ALDH8A1: variants seen among roughly 807,000 people sequenced by gnomAD.
ALDH8A1 encodes the protein aldehyde dehydrogenase 8 family member A1.
Under a neutral mutation model 43.3 loss-of-function variants are expected in ALDH8A1, and 39 were observed. The ratio of observed to expected loss-of-function variants is 0.90; its 90% CI spans 0.70 to 1.18. ALDH8A1 has a LOEUF of 1.18. ALDH8A1 is among the 50% of genes most tolerant of loss of function. The probability of loss-of-function intolerance (pLI) is 0.00; values close to 1 mark genes in which losing one functional copy is unlikely to be tolerated. For missense variants in ALDH8A1, 605 were observed against 622.6 expected (o/e 0.97, Z 0.30); for synonymous variants, 233 against 243.5 (o/e 0.96, Z 0.40).
At chr6:134,948,322 T>C (rs925290203) in intron 1 of ALDH8A1, among the ~76,000 whole-genome samples, 9 of 152,022 alleles carry the variant, frequency 5.9e-5, no homozygotes, top group African/African-American at 2.2e-4. Context: ...TCTAGTAGAG[T>C]GACAATAGTT....
At chr6:134,921,985 C>G (rs1419729364) in intron 6 of ALDH8A1, among the ~76,000 whole-genome samples, 1 of 152,238 alleles carries the variant, frequency 6.6e-6, no homozygotes, top group Non-Finnish European at 1.5e-5. Context: ...TAGAACTGAG[C>G]TGAAAGCCTC....
intron 6 of ALDH8A1, among the ~76,000 whole-genome samples, chr6:134,928,806 T>C (rs868814159): frequency 6.6e-6 from 1 of 152,342 alleles, no homozygotes. Context: ...CCCTCTCTAC[T>C]GGTGGTATCT....
In ALDH8A1 at chr6:134,917,864, G is replaced by A. The variant is rs530836295; in HGVS notation, c.*551C>T. 6.5e-6 allele frequency: 1 copy of A among 154,716 alleles called. No individual in the cohort carries two copies. Among genetic ancestry groups the A allele is most frequent in the East Asian group, 1.9e-4 (1 of 5,236 alleles). The allele number at this position is 154,716 out of a possible 1,614,324, so 9.6% of individuals were successfully genotyped here. ...TGCAGCCTCAACCGCCTGGGCTCAA[G>A]CGATCCTCCCACCTCAGCCTCCCAA... On this transcript the variant is annotated 3_prime_UTR_variant, in exon 7 of 7. Coordinates refer to ENST00000265605, the MANE Select transcript of ALDH8A1 (RefSeq NM_022568.4).
At chr6:134,944,124 G>A in intron 1 of ALDH8A1, 158 bp from the exon 2 acceptor site, 5 of 1,055,834 alleles carry the variant, frequency 4.7e-6, no homozygotes, top group Non-Finnish European at 6.5e-6. Flanking sequence ...CTGGAGGGCA[G>A]TGGCGCAATT....
intron 6 of ALDH8A1, among the ~76,000 whole-genome samples, chr6:134,926,199 C>G (rs1470335355): frequency 2.1e-5 from 3 of 144,196 alleles, no homozygotes; most frequent in Non-Finnish European, 3.0e-5. Context: ...ACTCAGGACC[C>G]TTCTTTTTTT....
At chr6:134,934,001 G>A (rs898997547) in intron 4 of ALDH8A1, among the ~76,000 whole-genome samples, 2 of 152,118 alleles carry the variant, frequency 1.3e-5, no homozygotes, top group African/African-American at 2.4e-5. Context: ...GAGCCACCGC[G>A]CCCAGCCTAT....
chr6:134,944,258 G>A (rs1167486430), intron 1 of ALDH8A1: 1 of 281,364 alleles, frequency 3.6e-6, no homozygotes, highest in African/African-American at 2.2e-5. Flanking sequence ...TAGTAGAAAG[G>A]GGGTTTCACC....
chr6:134,921,926 G>A (rs577850203), intron 6 of ALDH8A1, among the ~76,000 whole-genome samples: 4 of 152,346 alleles, frequency 2.6e-5, no homozygotes, highest in South Asian at 2.1e-4. Context: ...TTCTCTAGGC[G>A]TTTCTATTAG....
At chr6:134,934,544 C>T (rs1773695976) in intron 4 of ALDH8A1, among the ~76,000 whole-genome samples, 2 of 152,178 alleles carry the variant, frequency 1.3e-5, no homozygotes, top group South Asian at 4.1e-4. Flanking sequence ...CTCTGCTTCA[C>T]CTTTTGACAT....
intron 6 of ALDH8A1, among the ~76,000 whole-genome samples, chr6:134,919,382 G>A (rs780917115): frequency 1.3e-5 from 2 of 152,094 alleles, no homozygotes; most frequent in African/African-American, 2.4e-5. Context: ...TTAAAGGCCA[G>A]AATGCCCTTT....
chr6:134,929,720 T>G (rs1583026439), intron 5 of ALDH8A1, among the ~76,000 whole-genome samples: 1 of 151,148 alleles, frequency 6.6e-6, no homozygotes, highest in Non-Finnish European at 1.5e-5. Context: ...GGACAGGAGG[T>G]GTGTGGTAAG....
In ALDH8A1 at chr6:134,918,292, A is replaced by C; in HGVS notation, c.*123T>G. The C allele has an allele frequency of 1.7e-5, 15 of 877,016 alleles. No homozygotes were observed. Among genetic ancestry groups the C allele is most frequent in the Non-Finnish European group, 2.6e-5 (15 of 570,492 alleles). The allele number at this position is 877,016 out of a possible 1,614,324, so 54.3% of individuals were successfully genotyped here. On this transcript the variant is annotated 3_prime_UTR_variant, in exon 7 of 7. Transcript: ENST00000265605. ...AGTTACTAAGAACTGAGGATAAGCT[A>C]GAGATAACCTTCTGCCAAGTCAAGG...
intron 4 of ALDH8A1, 73 bp from the exon 5 acceptor site, chr6:134,933,105 T>C (rs1777015646): frequency 6.9e-7 from 1 of 1,450,496 alleles, no homozygotes; most frequent in Non-Finnish European, 9.1e-7. Flanking sequence ...GAAATTCTCC[T>C]TTAAAGTCCA....
At chr6:134,938,322 C>A (rs1410324373) in intron 4 of ALDH8A1, among the ~76,000 whole-genome samples, 1 of 152,248 alleles carries the variant, frequency 6.6e-6, no homozygotes, top group South Asian at 2.1e-4. Context: ...ACAGTGCCAG[C>A]CTGTGCCTGT....
chr6:134,938,327 G>T (rs1053653373), intron 4 of ALDH8A1, among the ~76,000 whole-genome samples: 8 of 152,238 alleles, frequency 5.3e-5, no homozygotes, highest in African/African-American at 1.9e-4. Context: ...GCCAGCCTGT[G>T]CCTGTGCGGA....
intron 5 of ALDH8A1, among the ~76,000 whole-genome samples, chr6:134,931,274 T>G (rs1583027419): frequency 6.6e-6 from 1 of 152,208 alleles, no homozygotes; most frequent in Non-Finnish European, 1.5e-5. Context: ...TTTGTTTGTT[T>G]GTTTTTGAGA....
rs79635504 is a variant in ALDH8A1, at chr6:134,933,247, G to C, written c.593-215C>G. On this transcript the variant is annotated intron_variant, in intron 4 of 6. Transcript: ENST00000265605. ...TCACCTCTGCCCACAGTAAACACCA[G>C]GTGGGATTCCACTGGATGCTTTGCC... Among the ~76,000 whole-genome samples, 1,408 of 152,318 alleles carry C rather than the reference G, an allele frequency of 9.2e-3. 18 individuals carry two copies. The highest frequency in any genetic ancestry group is 0.032 in the African/African-American group (1,331 of 41,560).
intron 6 of ALDH8A1, among the ~76,000 whole-genome samples, chr6:134,927,548 A>C (rs1001158644): frequency 3.9e-5 from 6 of 152,134 alleles, no homozygotes; most frequent in Non-Finnish European, 8.8e-5. Context: ...GAGATCATTC[A>C]ACTGATACAG....
In ALDH8A1 at chr6:134,926,312, G is replaced by C. The variant is rs559611384; in HGVS notation, c.1011+2742C>G. ...CCTCCCAGGCTCAAGCAATTCTCCTGCCTCTGCCTCCCAAGTAGCTGGGAT... is the reference window on the plus strand; with the variant it reads ...CCTCCCAGGCTCAAGCAATTCTCCTCCCTCTGCCTCCCAAGTAGCTGGGAT... On this transcript the variant is annotated intron_variant, in intron 6 of 6. Transcript: ENST00000265605. 1.0e-4 allele frequency among the ~76,000 whole-genome samples: 15 copies of C among 146,760 alleles called. 1 individual carries two copies. In the South Asian group the frequency reaches 3.2e-3, roughly 31 times the overall value.
Sources: allele counts gnomAD v4.1 joint callset (sites outside exome capture counted in the v4.1 genomes callset), GRCh38; gene constraint gnomAD v4.1.1; transcripts MANE v1.5; gene names NCBI Gene and HGNC (gene_info 2026-07-23, HGNC 2026-07-21).